SPIRE1: variants seen among roughly 807,000 people sequenced by gnomAD.
The protein encoded by SPIRE1 is protein spire homolog 1.
A neutral mutation model predicts 94.1 loss-of-function variants in SPIRE1; 40 were observed. The ratio of observed to expected loss-of-function variants is 0.43; its 90% CI spans 0.33 to 0.55. SPIRE1 has a LOEUF of 0.55. Among genes scored for constraint, SPIRE1 ranks in the 20% least tolerant of loss-of-function variants. The pLI is 0.06. For missense variants in SPIRE1, 838 were observed against 975.2 expected, an observed-to-expected ratio of 0.86 and a Z score of 1.87; for synonymous variants, 376 against 371.7, an observed-to-expected ratio of 1.01 and a Z score of -0.13.
intron 2 of SPIRE1, among the ~76,000 whole-genome samples, chr18:12,590,981 C>T (rs898021385): frequency 1.3e-5 from 2 of 152,114 alleles, no homozygotes; most frequent in East Asian, 1.9e-4. Context: ...TTACATATGA[C>T]AAAGTCTCTG....
chr18:12,492,249 A>C (rs1465180158), intron 8 of SPIRE1, among the ~76,000 whole-genome samples: 1 of 152,220 alleles, frequency 6.6e-6, no homozygotes. Flanking sequence ...GGAGAAAACT[A>C]GCAGAGTGGG....
intron 12 of SPIRE1, among the ~76,000 whole-genome samples, chr18:12,461,489 T>TG (rs758643170): frequency 1.2e-4 from 16 of 135,378 alleles, no homozygotes; most frequent in African/African-American, 3.4e-4. Flanking sequence ...TACATATGTG[T>TG]GTATGCACGT....
chr18:12,496,163 G>T (rs2033451650), intron 6 of SPIRE1, 61 bp from the exon 7 acceptor site: 4 of 1,157,820 alleles, frequency 3.5e-6, no homozygotes, highest in Non-Finnish European at 5.2e-6. Flanking sequence ...TGAATTTCTG[G>T]GTATAGCTGT....
chr18:12,533,730 T>C (rs913935539), intron 4 of SPIRE1, among the ~76,000 whole-genome samples: 1 of 152,194 alleles, frequency 6.6e-6, no homozygotes, highest in African/African-American at 2.4e-5. Context: ...GCCAGGTTCA[T>C]ACATGTACAC....
chr18:12,642,771 C>A (rs529542654), intron 1 of SPIRE1, among the ~76,000 whole-genome samples: 2 of 152,128 alleles, frequency 1.3e-5, no homozygotes, highest in South Asian at 4.2e-4. Flanking sequence ...TCAGGGATGG[C>A]AGGGGAAAGG....
At chr18:12,487,696 A>G (rs1251595307) in intron 8 of SPIRE1, among the ~76,000 whole-genome samples, 1 of 152,086 alleles carries the variant, frequency 6.6e-6, no homozygotes, top group East Asian at 1.9e-4. Context: ...CTGGCCTATC[A>G]TTTCTTAAAA....
intron 1 of SPIRE1, among the ~76,000 whole-genome samples, chr18:12,650,711 GAA>G (rs56170775): frequency 1.5e-3 from 178 of 116,648 alleles, no homozygotes; most frequent in African/African-American, 1.9e-3. Context: ...TCCATCTCAG[GAA>G]AAAAAAAAAA....
intron 2 of SPIRE1, among the ~76,000 whole-genome samples, chr18:12,567,981 G>C (rs2035860706): frequency 6.6e-6 from 1 of 152,162 alleles, no homozygotes; most frequent in South Asian, 2.1e-4. Flanking sequence ...GTTCATTTTG[G>C]TAATCATGTC....
At chr18:12,459,244 G>A (rs2031670122) in intron 12 of SPIRE1, among the ~76,000 whole-genome samples, 1 of 152,224 alleles carries the variant, frequency 6.6e-6, no homozygotes, top group South Asian at 2.1e-4. Flanking sequence ...ACACACCCTG[G>A]TTGTCATAAC....
rs960192112 is a variant in SPIRE1 at position 12,557,300 on chromosome 18, G to A, written c.373-10396C>T. Among the ~76,000 whole-genome samples the A allele has an allele frequency of 2.6e-5, 4 of 152,310 alleles. No individual in the cohort carries two copies. The East Asian group carries it at 7.7e-4, about 29-fold the overall frequency. On this transcript the variant is annotated intron_variant, in intron 2 of 16. Coordinates refer to ENST00000409402, the MANE Select transcript of SPIRE1 (RefSeq NM_001128626.2). ...CTGCAGGTCCCAAGCCCTGCCCCAC[G>A]GGCAGGCAGCTGAGGCCCAGTGAGA...
At chr18:12,590,704 C>T (rs2036510386) in intron 2 of SPIRE1, among the ~76,000 whole-genome samples, 1 of 152,128 alleles carries the variant, frequency 6.6e-6, no homozygotes. Flanking sequence ...AGTGAGAAGA[C>T]ACAGGCATGA....
At chr18:12,536,512 A>T (rs1476701949) in intron 3 of SPIRE1, among the ~76,000 whole-genome samples, 1 of 120,828 alleles carries the variant, frequency 8.3e-6, no homozygotes, top group Admixed American at 8.0e-5. Flanking sequence ...GTAACGTAGT[A>T]AAAAAAAAAA....
At chr18:12,506,343 C>T in intron 6 of SPIRE1, 134 bp downstream of exon 6, 1 of 734,400 alleles carries the variant, frequency 1.4e-6, no homozygotes, top group South Asian at 1.7e-5. Context: ...TTTTTTGGTA[C>T]AGACAGGGAT....
At chr18:12,629,514 G>A (rs1317301608) in intron 2 of SPIRE1, among the ~76,000 whole-genome samples, 1 of 152,156 alleles carries the variant, frequency 6.6e-6, no homozygotes, top group Non-Finnish European at 1.5e-5. Flanking sequence ...TCTGAGCTGT[G>A]AGCCACTACT....
At chr18:12,553,711 AAAAC>A (rs141104917) in intron 2 of SPIRE1, among the ~76,000 whole-genome samples, 44 of 152,248 alleles carry the variant, frequency 2.9e-4, no homozygotes, top group Non-Finnish European at 4.9e-4. Context: ...CACCTACATT[AAAAC>A]AAACAAACAA....
chr18:12,555,716 C>T (rs2035485099), intron 2 of SPIRE1, among the ~76,000 whole-genome samples: 1 of 152,118 alleles, frequency 6.6e-6, no homozygotes, highest in Admixed American at 6.5e-5. Flanking sequence ...TAGTATCATA[C>T]TGAGTAGGGA....
chr18:12,506,611 A>G lies in SPIRE1; in HGVS notation c.838T>C (p.Leu280=). 6.2e-7 allele frequency: 1 copy of G among 1,614,080 alleles called. No homozygotes were observed. Among genetic ancestry groups the G allele is most frequent in the Non-Finnish European group, 8.5e-7 (1 of 1,179,992 alleles). The stretch of plus-strand genomic sequence containing the variant: ...TTCTTAAGTTTTACCCCATTCCTCA[A>G]ATCCCTCATCACCTGTACCCAGAAT... ...ARFWVQVMRD[L]RNGVKLKKVQ... is the part of the protein sequence containing the mutation. Residue 280 remains leucine, a synonymous_variant, in exon 6 of 17, where the codon TTG becomes CTG. Coordinates refer to ENST00000409402, the MANE Select transcript of SPIRE1 (RefSeq NM_001128626.2).
intron 2 of SPIRE1, among the ~76,000 whole-genome samples, chr18:12,613,074 C>T (rs1175572248): frequency 6.6e-6 from 1 of 152,140 alleles, no homozygotes; most frequent in African/African-American, 2.4e-5. Context: ...CACTTGAGGG[C>T]TGAGATTTTT....
intron 2 of SPIRE1, among the ~76,000 whole-genome samples, chr18:12,569,066 T>C (rs973534876): frequency 1.3e-5 from 2 of 152,022 alleles, no homozygotes; most frequent in Non-Finnish European, 2.9e-5. Context: ...CATGGCCGGG[T>C]GCGGTGGCTC....
Sources: allele counts gnomAD v4.1 joint callset (sites outside exome capture counted in the v4.1 genomes callset), GRCh38; gene constraint gnomAD v4.1.1; transcripts MANE v1.5; gene names NCBI Gene and HGNC (gene_info 2026-07-23, HGNC 2026-07-21).